Variants in ZNF98 observed in about 807,000 individuals in gnomAD.
ZNF98 encodes the protein zinc finger protein 739.
ZNF98 carries 8 observed loss-of-function variants against 12.8 expected under a neutral mutation model. The observed-to-expected ratio is 0.63, with a 90% CI of 0.37 to 1.13. The LOEUF is 1.13. Ranked by LOEUF, ZNF98 falls within the 50% of genes most tolerant of loss-of-function variation. The probability of loss-of-function intolerance (pLI) is 0.01; values close to 1 mark genes in which losing one functional copy is unlikely to be tolerated. For missense variants in ZNF98, 379 were observed against 666.1 expected (o/e 0.57, Z 4.74); for synonymous variants, 112 against 223.5 (o/e 0.50, Z 4.45).
intron 3 of ZNF98, among the ~76,000 whole-genome samples, chr19:22,400,092 C>T (rs1969439462): frequency 6.6e-6 from 1 of 152,196 alleles, no homozygotes; most frequent in South Asian, 2.1e-4. Context: ...GCCCACCAAA[C>T]TTGGTCCCAC....
chr19:22,417,103 C>T (rs1969652466), intron 1 of ZNF98, among the ~76,000 whole-genome samples: 1 of 151,902 alleles, frequency 6.6e-6, no homozygotes, highest in Non-Finnish European at 1.5e-5. Context: ...GTGGCACATG[C>T]CTGTAATTCC....
At chr19:22,414,426 T>C (rs1169952312) in intron 1 of ZNF98, among the ~76,000 whole-genome samples, 3 of 151,970 alleles carry the variant, frequency 2.0e-5, no homozygotes, top group African/African-American at 4.8e-5. Context: ...AGGGCCCAAA[T>C]AGCCAAGCCA....
At chr19:22,395,611 GA>G (rs1325733267) in intron 3 of ZNF98, among the ~76,000 whole-genome samples, 1 of 151,386 alleles carries the variant, frequency 6.6e-6, no homozygotes, top group Non-Finnish European at 1.5e-5. Context: ...GTAAAAAATA[GA>G]AAAATAAACA....
chr19:22,397,216 G>T (rs1195469972), intron 3 of ZNF98, among the ~76,000 whole-genome samples: 9 of 150,496 alleles, frequency 6.0e-5, no homozygotes, highest in African/African-American at 2.2e-4. Context: ...GTGTTTTTGT[G>T]TGTGTGTGTG....
At chr19:22,420,347 CTA>C (rs1230750949) in intron 1 of ZNF98, among the ~76,000 whole-genome samples, 4 of 152,152 alleles carry the variant, frequency 2.6e-5, no homozygotes, top group African/African-American at 9.7e-5. Context: ...AGTTTTTGTA[CTA>C]TCTCACTGAA....
At chr19:22,395,801 A>T (rs1416977052) in intron 3 of ZNF98, among the ~76,000 whole-genome samples, 3 of 152,026 alleles carry the variant, frequency 2.0e-5, no homozygotes, top group Non-Finnish European at 4.4e-5. Context: ...TAGTCTTATG[A>T]TATAACCAGT....
At chr19:22,411,488 TA>T (rs1280137528) in intron 1 of ZNF98, among the ~76,000 whole-genome samples, 1 of 152,228 alleles carries the variant, frequency 6.6e-6, no homozygotes, top group Non-Finnish European at 1.5e-5. Context: ...CATGTGCTCT[TA>T]AAATGAGCTT....
intron 3 of ZNF98, among the ~76,000 whole-genome samples, chr19:22,399,112 C>T (rs532424825): frequency 1.6e-4 from 25 of 152,128 alleles, no homozygotes; most frequent in African/African-American, 5.1e-4. Flanking sequence ...ACTGAAAAAA[C>T]GCATTAATAT....
intron 1 of ZNF98, among the ~76,000 whole-genome samples, chr19:22,412,170 A>C (rs1340450777): frequency 1.3e-5 from 2 of 152,242 alleles, no homozygotes; most frequent in East Asian, 3.8e-4. Flanking sequence ...CCACACAGTC[A>C]GAAGCAAAAC....
intron 3 of ZNF98, among the ~76,000 whole-genome samples, chr19:22,394,052 A>C (rs1357943524): frequency 6.0e-5 from 9 of 148,782 alleles, no homozygotes; most frequent in African/African-American, 1.0e-4. Context: ...TCTCAAAAGA[A>C]GACATTTATG....
At chr19:22,415,618 CAAAA>C (rs56046308) in intron 1 of ZNF98, among the ~76,000 whole-genome samples, 1 of 130,504 alleles carries the variant, frequency 7.7e-6, no homozygotes, top group Non-Finnish European at 1.6e-5. Flanking sequence ...ACAAAAAATA[CAAAA>C]AAAAAAAAAA....
In ZNF98 at chr19:22,405,860, A is replaced by G. The variant is rs1410522915; in HGVS notation, c.31-2348T>C. ...CAACACACCGGCTGTGCCAGACTACAGCTACAGCACCTCTTCAGGCCTGAC... is the reference window on the plus strand; with the variant it reads ...CAACACACCGGCTGTGCCAGACTACGGCTACAGCACCTCTTCAGGCCTGAC... On this transcript the variant is annotated intron_variant, in intron 1 of 3. Coordinates refer to ENST00000357774, the MANE Select transcript of ZNF98 (RefSeq NM_001098626.2). 7.2e-5 allele frequency among the ~76,000 whole-genome samples: 11 copies of G among 152,244 alleles called. No homozygotes were observed. The South Asian group carries it at 2.3e-3, about 32-fold the overall frequency.
chr19:22,411,077 C>T (rs183854107), intron 1 of ZNF98, among the ~76,000 whole-genome samples: 126 of 152,280 alleles, frequency 8.3e-4, no homozygotes, highest in Middle Eastern at 6.8e-3. Context: ...GAGTCTCGCT[C>T]TGTTGCCCAG....
chr19:22,421,094 T>C (rs923783550), intron 1 of ZNF98, among the ~76,000 whole-genome samples: 5 of 152,204 alleles, frequency 3.3e-5, no homozygotes, highest in Non-Finnish European at 5.9e-5. Context: ...GCCCAGTAAC[T>C]TACTATAGCA....
At chr19:22,401,708 C>A (rs972849614) in intron 3 of ZNF98, among the ~76,000 whole-genome samples, 7 of 150,958 alleles carry the variant, frequency 4.6e-5, no homozygotes, top group African/African-American at 1.2e-4. Context: ...TGGTCTCAAA[C>A]TCCTGACCTC....
intron 1 of ZNF98, among the ~76,000 whole-genome samples, chr19:22,412,828 GT>G (rs1969594340): frequency 1.3e-5 from 2 of 151,744 alleles, no homozygotes. Context: ...CGAGGCGGGA[GT>G]ATCACGAGGT....
intron 1 of ZNF98, among the ~76,000 whole-genome samples, chr19:22,407,179 C>T (rs1969529112): frequency 6.6e-6 from 1 of 151,798 alleles, no homozygotes; most frequent in South Asian, 2.1e-4. Flanking sequence ...GTCTCAGCCT[C>T]TGGAGTAGCT....
intron 1 of ZNF98, among the ~76,000 whole-genome samples, chr19:22,408,291 T>C (rs765284175): frequency 1.3e-5 from 2 of 152,164 alleles, no homozygotes; most frequent in Non-Finnish European, 2.9e-5. Context: ...TGATGGAACA[T>C]ATCTCAAAAT....
chr19:22,422,275 G>GCCTCTACGAGCAGAGGA lies in ZNF98; in HGVS notation c.-68_-52dup. ...CAGGTCACAGGGCCACAGAGGCTGG[G>GCCTCTACGAGCAGAGGA]CCTCTACGAGCAGAGGACACAGAAG... On this transcript the variant is annotated 5_prime_UTR_variant, in exon 1 of 4. Coordinates refer to ENST00000357774, the MANE Select transcript of ZNF98 (RefSeq NM_001098626.2). The GCCTCTACGAGCAGAGGA allele has an allele frequency of 1.2e-6, 2 of 1,604,814 alleles. No homozygotes were observed. Among genetic ancestry groups the GCCTCTACGAGCAGAGGA allele is most frequent in the Non-Finnish European group, 1.7e-6 (2 of 1,173,314 alleles).
Sources: gnomAD v4.1 joint callset for allele counts (sites outside exome capture counted in the v4.1 genomes callset) on GRCh38, gnomAD v4.1.1 for gene constraint, MANE v1.5 for transcripts, NCBI Gene and HGNC (gene_info 2026-07-23, HGNC 2026-07-21) for gene names.